STX17: variants seen among roughly 807,000 people sequenced by gnomAD.
STX17 encodes syntaxin 17, also known as syntaxin-17.
STX17 carries 29 observed loss-of-function variants against 35.9 expected under a neutral mutation model. That is an observed-to-expected ratio of 0.81 (90% CI 0.60 to 1.10). The LOEUF (loss-of-function observed/expected upper bound fraction) is 1.10. Ranked by LOEUF, STX17 falls within the 50% of genes least tolerant of loss-of-function variation. STX17 has a pLI of 0.00. For synonymous variants in STX17, 92 were observed against 118.3 expected (o/e 0.78, Z 1.44); for missense variants, 312 against 352.3 (o/e 0.89, Z 0.92).
chr9:99,928,900 A>G, intron 3 of STX17, 57 bp downstream of exon 3: 1 of 1,519,766 alleles, frequency 6.6e-7, no homozygotes. Flanking sequence ...TCTTAAGACA[A>G]TTTTGCTAAA....
chr9:99,951,665 A>G (rs901446073), intron 4 of STX17, among the ~76,000 whole-genome samples: 2 of 151,554 alleles, frequency 1.3e-5, no homozygotes, highest in African/African-American at 4.8e-5. Context: ...TTCAGAGGGG[A>G]TGTTAGATCT....
chr9:99,966,113 C>G (rs1829906815), intron 6 of STX17, among the ~76,000 whole-genome samples: 1 of 152,180 alleles, frequency 6.6e-6, no homozygotes, highest in South Asian at 2.1e-4. Flanking sequence ...CTTACTAGCT[C>G]AGGCTTCATC....
intron 2 of STX17, among the ~76,000 whole-genome samples, chr9:99,925,839 A>AT (rs367787714): frequency 6.6e-6 from 1 of 151,434 alleles, no homozygotes; most frequent in Non-Finnish European, 1.5e-5. Context: ...AGCTTTCTTC[A>AT]TTTTTCTTGT....
intron 6 of STX17, among the ~76,000 whole-genome samples, chr9:99,966,237 C>T (rs1829908475): frequency 6.6e-6 from 1 of 152,064 alleles, no homozygotes; most frequent in Non-Finnish European, 1.5e-5. Flanking sequence ...CAGAGACATT[C>T]AAAGGAAAAC....
chr9:99,942,226 T>C (rs1829379663), intron 3 of STX17, among the ~76,000 whole-genome samples: 1 of 152,242 alleles, frequency 6.6e-6, no homozygotes, highest in Non-Finnish European at 1.5e-5. Context: ...ATGAGATTAA[T>C]TTTTCATGTG....
Position 99,971,327 on chromosome 9 carries a change from T to G in STX17, c.*2654T>G, listed in dbSNP as rs1830011705. Among the ~76,000 whole-genome samples the G allele has an allele frequency of 6.6e-6, 1 of 151,250 alleles. No individual in the cohort carries two copies. ...TTAACATAATCTGAGAATTTCTCTGTAGAGCAGAGACTTTCAAACCTTTTG... is the reference window on the plus strand; with the variant it reads ...TTAACATAATCTGAGAATTTCTCTGGAGAGCAGAGACTTTCAAACCTTTTG... On this transcript the variant is annotated 3_prime_UTR_variant, in exon 8 of 8. Transcript: ENST00000259400.
At chr9:99,940,093 A>G (rs1046197220) in intron 3 of STX17, among the ~76,000 whole-genome samples, 3 of 152,136 alleles carry the variant, frequency 2.0e-5, no homozygotes, top group Non-Finnish European at 2.9e-5. Context: ...GATTCTTTAG[A>G]TGCCACTTTC....
chr9:99,957,586 C>G (rs1829734759), intron 4 of STX17, among the ~76,000 whole-genome samples: 1 of 151,594 alleles, frequency 6.6e-6, no homozygotes, highest in Non-Finnish European at 1.5e-5. Context: ...AGATCACCGT[C>G]ATGTTACACT....
intron 2 of STX17, among the ~76,000 whole-genome samples, chr9:99,925,244 A>G (rs1355491881): frequency 1.3e-5 from 2 of 152,080 alleles, no homozygotes; most frequent in Non-Finnish European, 2.9e-5. Context: ...CTTCACATAT[A>G]AGAACCTTCT....
intron 3 of STX17, chr9:99,945,760 C>A (rs771400984): frequency 1.5e-5 from 6 of 397,960 alleles, no homozygotes; most frequent in Non-Finnish European, 2.5e-5. Flanking sequence ...ATTTCATCAA[C>A]TGTGGAACAA....
At chr9:99,936,731 A>G (rs1829244143) in intron 3 of STX17, among the ~76,000 whole-genome samples, 1 of 152,152 alleles carries the variant, frequency 6.6e-6, no homozygotes, top group Non-Finnish European at 1.5e-5. Context: ...ACCAGCCTAT[A>G]TGCTGTTGTT....
chr9:99,948,236 A>G (rs563148623), intron 3 of STX17, among the ~76,000 whole-genome samples: 1 of 152,280 alleles, frequency 6.6e-6, no homozygotes, highest in Admixed American at 6.5e-5. Context: ...TGTAAAATAT[A>G]TACCAGATTT....
At chr9:99,921,334 T>C (rs1170633988) in intron 2 of STX17, among the ~76,000 whole-genome samples, 1 of 152,184 alleles carries the variant, frequency 6.6e-6, no homozygotes, top group African/African-American at 2.4e-5. Flanking sequence ...TTTTTTTATA[T>C]GAATTACATG....
chr9:99,952,395 G>A (rs1007603492), intron 4 of STX17, among the ~76,000 whole-genome samples: 7 of 152,184 alleles, frequency 4.6e-5, no homozygotes, highest in African/African-American at 1.7e-4. Flanking sequence ...TGCTGGAGAG[G>A]ATGTGGAGAA....
intron 2 of STX17, among the ~76,000 whole-genome samples, chr9:99,925,085 A>C (rs974158875): frequency 2.6e-5 from 4 of 152,088 alleles, no homozygotes; most frequent in African/African-American, 4.8e-5. Context: ...TGGATTAATC[A>C]AATATTTTTT....
intron 3 of STX17, among the ~76,000 whole-genome samples, chr9:99,937,221 A>G (rs1829254757): frequency 6.6e-6 from 1 of 151,996 alleles, no homozygotes; most frequent in Non-Finnish European, 1.5e-5. Flanking sequence ...TTTGATTATG[A>G]TAGGCTTTGG....
In STX17 at chr9:99,959,952, C is replaced by G; in HGVS notation, c.451C>G (p.Gln151Glu). 2 of 1,613,756 alleles carry G rather than the reference C, an allele frequency of 1.2e-6. No homozygotes were observed. The highest frequency in any genetic ancestry group is 1.7e-6 in the Non-Finnish European group (2 of 1,179,930). ...FHTTEAEASS[Q>E]SLTQIYALPE... ...TACTACTGAAGCTGAAGCTAGTTCT[C>G]AGAGTTTGACTCAGATATATGCCTT... The change falls in exon 5 of 8, where the codon CAG becomes GAG. Residue 151 changes from glutamine to glutamate, a missense_variant. Physicochemically the swap from Gln to Glu is conservative, Grantham distance 29 (BLOSUM62 2). Coordinates refer to ENST00000259400, the MANE Select transcript of STX17 (RefSeq NM_017919.3).
At chr9:99,956,993 C>T (rs1829721802) in intron 4 of STX17, among the ~76,000 whole-genome samples, 2 of 152,154 alleles carry the variant, frequency 1.3e-5, no homozygotes, top group Admixed American at 1.3e-4. Context: ...GCTTATAACC[C>T]TTCAACAGCT....
At chr9:99,967,540 A>C (rs1054848065) in intron 6 of STX17, 113 bp from the exon 7 acceptor site, 10 of 728,250 alleles carry the variant, frequency 1.4e-5, no homozygotes, top group Non-Finnish European at 2.2e-5. Flanking sequence ...AACCACTATT[A>C]AGATGGCAAG....
Sources: gnomAD v4.1 joint callset for allele counts (sites outside exome capture counted in the v4.1 genomes callset) on GRCh38, gnomAD v4.1.1 for gene constraint, MANE v1.5 for transcripts, NCBI Gene and HGNC (gene_info 2026-07-23, HGNC 2026-07-21) for gene names.